The following C4orf51 variants were observed in gnomAD, a reference collection of about 807,000 sequenced individuals.
C4orf51 encodes the protein uncharacterized protein C4orf51.
In C4orf51, 25 loss-of-function variants were observed where a neutral mutation model predicts 25.2. That is an observed-to-expected ratio of 0.99 (90% confidence interval 0.72 to 1.39). The LOEUF is 1.39. C4orf51 is among the 40% of genes most tolerant of loss of function. C4orf51 has a pLI of 0.00. For synonymous variants in C4orf51, 100 were observed against 84.5 expected, an observed-to-expected ratio of 1.18 and a Z score of -1.01; for missense variants, 252 against 239.6, an observed-to-expected ratio of 1.05 and a Z score of -0.34.
chr4:145,710,615 C>G (rs1404662580), intron 2 of C4orf51, among the ~76,000 whole-genome samples: 1 of 152,146 alleles, frequency 6.6e-6, no homozygotes, highest in Non-Finnish European at 1.5e-5. Context: ...CACACTTGAG[C>G]CCACTTACCC....
chr4:145,732,364 G>A, intron 5 of C4orf51, 89 bp from the exon 6 acceptor site: 3 of 765,984 alleles, frequency 3.9e-6, no homozygotes, highest in Non-Finnish European at 6.7e-6. Context: ...ATGATGTCTG[G>A]TTTGGAAGAG....
At chr4:145,707,284 C>G (rs552830900) in intron 2 of C4orf51, among the ~76,000 whole-genome samples, 1 of 152,166 alleles carries the variant, frequency 6.6e-6, no homozygotes, top group Admixed American at 6.5e-5. Flanking sequence ...TATAACCTTC[C>G]GTGCCTTTAG....
At chr4:145,694,626 C>T (rs1172749314) in intron 1 of C4orf51, among the ~76,000 whole-genome samples, 1 of 77,130 alleles carries the variant, frequency 1.3e-5, no homozygotes, top group Admixed American at 1.5e-4. Context: ...CCTGGCCAGC[C>T]GCCCCGTCCG....
At chr4:145,746,477 C>A (rs973285290) in intron 1 of C4orf51, among the ~76,000 whole-genome samples, 1 of 152,010 alleles carries the variant, frequency 6.6e-6, no homozygotes, top group Non-Finnish European at 1.5e-5. Flanking sequence ...GACCATCTTT[C>A]CCCCCAAGGT....
downstream of C4orf51, chr4:145,775,675 C>T: frequency 3.9e-6 from 5 of 1,283,978 alleles, no homozygotes; most frequent in Non-Finnish European, 5.4e-6. Flanking sequence ...AAATGAAGGC[C>T]AGGCTATGAC....
chr4:145,681,139 C>T (rs1307609943), intron 1 of C4orf51, among the ~76,000 whole-genome samples: 2 of 152,142 alleles, frequency 1.3e-5, no homozygotes, highest in Non-Finnish European at 2.9e-5. Context: ...CTGCAAGGAG[C>T]TAAGTACATT....
intron 2 of C4orf51, among the ~76,000 whole-genome samples, chr4:145,726,560 C>A: frequency 6.6e-6 from 1 of 152,014 alleles, no homozygotes; most frequent in Non-Finnish European, 1.5e-5. Flanking sequence ...ACCATCACAC[C>A]CAGCTAATTT....
At chr4:145,720,670 G>A (rs1315557162) in intron 2 of C4orf51, among the ~76,000 whole-genome samples, 1 of 152,206 alleles carries the variant, frequency 6.6e-6, no homozygotes, top group Non-Finnish European at 1.5e-5. Context: ...AGGTCATTCT[G>A]CTGAGGGGAG....
intron 2 of C4orf51, among the ~76,000 whole-genome samples, chr4:145,709,957 G>A (rs761073307): frequency 5.9e-5 from 9 of 152,120 alleles, no homozygotes; most frequent in Non-Finnish European, 1.0e-4. Flanking sequence ...TAAAAGGGGC[G>A]AATAAACCAT....
the C4orf51 span, among the ~76,000 whole-genome samples, chr4:145,786,155 C>A: frequency 3.2e-4 from 48 of 152,124 alleles, no homozygotes; most frequent in Admixed American, 5.9e-4. Flanking sequence ...CCTCAAAAAA[C>A]AACAGGGACA....
chr4:145,736,309 G>A (rs1306511948), downstream of C4orf51, among the ~76,000 whole-genome samples: 2 of 151,826 alleles, frequency 1.3e-5, no homozygotes, highest in East Asian at 3.8e-4. Flanking sequence ...CCTGAGTGAC[G>A]AATGCAGAAG....
chr4:145,744,551 G>T lies in C4orf51; in HGVS notation n.168-9656G>T, dbSNP rs374616012. Among the ~76,000 whole-genome samples, 27 of 151,408 alleles carry T rather than the reference G, an allele frequency of 1.8e-4. No individual in the cohort carries two copies. In the East Asian group the frequency reaches 5.3e-3, roughly 30 times the overall value. On this transcript the variant is annotated intron_variant and non_coding_transcript_variant, in intron 1 of 1. Transcript: ENST00000508981. ...AGAGATGGGACCTTGGCTGGGCGCG[G>T]TGGCTCACACCTCTAATCCCAGCAC...
Position 145,690,951 on chromosome 4 carries a change from C to A in C4orf51, c.234-5608C>A, listed in dbSNP as rs182406800. 4.9e-3 allele frequency among the ~76,000 whole-genome samples: 743 copies of A among 151,374 alleles called. 2 individuals carry two copies. Among genetic ancestry groups the A allele is most frequent in the African/African-American group, 0.017 (691 of 41,430 alleles). On this transcript the variant is annotated intron_variant, in intron 1 of 5. Transcript: ENST00000438731. ...ACCCCATCTCCCCGCTCCCACCCCC[C>A]ACAAAAAAAGAATTAGCCAGATGTG...
At chr4:145,692,680 C>T (rs566434661) in intron 1 of C4orf51, among the ~76,000 whole-genome samples, 6 of 152,252 alleles carry the variant, frequency 3.9e-5, no homozygotes, top group Admixed American at 2.6e-4. Flanking sequence ...ATATCAATTC[C>T]ACTCTACCCC....
At chr4:145,776,654 G>A in the C4orf51 span, among the ~76,000 whole-genome samples, 1 of 152,040 alleles carries the variant, frequency 6.6e-6, no homozygotes, top group African/African-American at 2.4e-5. Context: ...ATGGGTGAGT[G>A]CTGAGCAGGG....
intron 1 of C4orf51, among the ~76,000 whole-genome samples, chr4:145,749,077 A>G (rs1560867192): frequency 6.7e-6 from 1 of 148,634 alleles, no homozygotes; most frequent in African/African-American, 2.4e-5. Context: ...ATATATATAT[A>G]TATATATATG....
chr4:145,733,255 C>T (rs925858409), downstream of C4orf51, among the ~76,000 whole-genome samples: 4 of 152,140 alleles, frequency 2.6e-5, no homozygotes, highest in African/African-American at 9.7e-5. Context: ...ACCTCTTCTC[C>T]CCCACGATCT....
rs1579079283 is a variant in C4orf51, at chr4:145,765,249, C to T, written n.167-5739C>T. The T allele has an allele frequency of 7.2e-7, 1 of 1,392,314 alleles. No homozygotes were observed. The highest frequency in any genetic ancestry group is 2.5e-5 in the East Asian group (1 of 40,408). The allele number at this position is 1,392,314 out of a possible 1,614,324, so 86.2% of individuals were successfully genotyped here. ...AGTGGAGCCAAGCTCCTCCCCACTT[C>T]CTCCCGCCTCCTCCGACGCCTGACA... On this transcript the variant is annotated intron_variant and non_coding_transcript_variant, in intron 1 of 1. Transcript: ENST00000510096. The surrounding 1 kb of genome is among the most constrained non-coding windows in gnomAD (Gnocchi z 4.7).
At chr4:145,767,297 T>G (rs563355742) in intron 1 of C4orf51, among the ~76,000 whole-genome samples, 61 of 152,230 alleles carry the variant, frequency 4.0e-4, no homozygotes, top group African/African-American at 1.5e-3. Context: ...GAGGAAAAGA[T>G]GAGTAAACCT....
Sources: gnomAD v4.1 joint callset for allele counts (sites outside exome capture counted in the v4.1 genomes callset) on GRCh38, gnomAD v4.1.1 for gene constraint, Gnocchi (gnomAD v3.1) non-coding constraint, MANE v1.5 for transcripts, NCBI Gene and HGNC (gene_info 2026-07-23, HGNC 2026-07-21) for gene names.